The following CELSR1 variants were observed in gnomAD, a reference collection of about 807,000 sequenced individuals.
CELSR1 encodes cadherin EGF LAG seven-pass G-type receptor 1.
In CELSR1, 110 loss-of-function variants were observed where a neutral mutation model predicts 249.1. The ratio of observed to expected loss-of-function variants is 0.44; its 90% CI spans 0.38 to 0.52. The LOEUF is 0.52. Among genes scored for constraint, CELSR1 ranks in the 20% least tolerant of loss-of-function variants. The probability of loss-of-function intolerance (pLI) is 0.00; values close to 1 mark genes in which losing one functional copy is unlikely to be tolerated. For synonymous variants in CELSR1, 2,113 were observed against 1,900.0 expected (o/e 1.11, Z -2.92); for missense variants, 4,109 against 4,296.4 (o/e 0.96, Z 1.22).
rs1387714347 is a variant in CELSR1 at position 46,534,186 on chromosome 22, A to G, written c.2985T>C (p.Asn995=). ...IQVTILDIND[N]APMFEKDELE... The stretch of plus-strand genomic sequence containing the variant: ...GTTCGTCCTTCTCAAACATGGGGGC[A>G]TTGTCATTAATGTCCAAGATGGTCA... Residue 995 remains asparagine (N), a synonymous_variant, in exon 1 of 35, where the codon AAT becomes AAC. Coordinates refer to ENST00000674500, the MANE Select transcript of CELSR1 (RefSeq NM_001378328.1). This position sits in a 1 kb window ranked among gnomAD's most constrained non-coding sequence, Gnocchi z 9.7. 24 of 1,613,742 alleles carry G rather than the reference A, an allele frequency of 1.5e-5. No individual in the cohort carries two copies. Among genetic ancestry groups the G allele is most frequent in the Non-Finnish European group, 2.0e-5 (24 of 1,180,036 alleles).
In CELSR1 at chr22:46,365,570, T is replaced by C; in HGVS notation, c.8404+16A>G. The C allele has an allele frequency of 6.3e-7, 1 of 1,576,452 alleles. No homozygotes were observed. ...AAAACAACCCACGGGGTCCTCCCCC[T>C]CCAGGGAAGCCATACCAGGGGGATC... is the stretch of plus-strand genomic sequence containing the variant. On this transcript the variant is annotated intron_variant, in intron 31 of 34. Transcript: ENST00000674500.
chr22:46,400,823 G>A (rs759948686), intron 9 of CELSR1, among the ~76,000 whole-genome samples: 3 of 151,940 alleles, frequency 2.0e-5, no homozygotes, highest in African/African-American at 4.8e-5. Flanking sequence ...ATGGTGGTGT[G>A]CTCCTGTAAT....
intron 28 of CELSR1, 44 bp downstream of exon 28, chr22:46,367,685 G>C: frequency 6.4e-7 from 1 of 1,565,186 alleles, no homozygotes. Context: ...ATGGTGTCAC[G>C]GCGGCCAGGC....
rs1434988211 is a variant in CELSR1, at chr22:46,433,855, T to C, written c.4523-374A>G. ...ACCCACCACCACACCCGGCTAATTT[T>C]TGTATTTTTAGTAGAGATGGGGTTT... On this transcript the variant is annotated intron_variant, in intron 4 of 34. Transcript: ENST00000674500. This position sits in a 1 kb window ranked among gnomAD's most constrained non-coding sequence, Gnocchi z 5.7. 3.3e-5 allele frequency among the ~76,000 whole-genome samples: 5 copies of C among 152,138 alleles called. No homozygotes were observed. The highest frequency in any genetic ancestry group is 3.3e-4 in the Admixed American group (5 of 15,270).
Position 46,363,666 on chromosome 22 carries a change from A to T in CELSR1, c.9035+330T>A. On this transcript the variant is annotated intron_variant, in intron 34 of 34. Coordinates refer to ENST00000674500, the MANE Select transcript of CELSR1 (RefSeq NM_001378328.1). This position sits in a 1 kb window ranked among gnomAD's most constrained non-coding sequence, Gnocchi z 4.3. ...CGGGACCCTCAGTATCCTCAACTGC[A>T]AGGTGGGTGGCAGTGGTCCCAGGCG... is the stretch of plus-strand genomic sequence containing the variant. 2.6e-6 allele frequency: 1 copy of T among 391,494 alleles called. No homozygotes were observed. The highest frequency in any genetic ancestry group is 4.6e-6 in the Non-Finnish European group (1 of 217,250). 24.3% of individuals were successfully genotyped at this position (391,494 alleles called of 1,614,324 possible).
intron 33 of CELSR1, 26 bp from the exon 34 acceptor site, chr22:46,364,277 C>T: frequency 6.2e-7 from 1 of 1,602,086 alleles, no homozygotes; most frequent in Non-Finnish European, 8.5e-7. Flanking sequence ...ACGGCAAGGT[C>T]AAGTCCGGGT....
intron 18 of CELSR1, among the ~76,000 whole-genome samples, chr22:46,387,788 C>T (rs112787434): frequency 2.3e-3 from 348 of 152,258 alleles, no homozygotes; most frequent in African/African-American, 7.9e-3. Flanking sequence ...GGTTTTTCCA[C>T]GTATACCCCA....
At position 46,374,823 on chromosome 22, in the gene CELSR1, A is replaced by C. The variant is rs6008782; in HGVS notation, c.7585-1766T>G. Among the ~76,000 whole-genome samples the C allele has an allele frequency of 6.0e-4, 92 of 152,262 alleles. No individual in the cohort carries two copies. The highest frequency in any genetic ancestry group is 1.0e-3 in the Non-Finnish European group (71 of 68,000). ...ATTGCGGGGATGCGCCCGGCTGCGG[A>C]TGTGAAGAAACCCCTCCGCAGGAGC... On this transcript the variant is annotated intron_variant, in intron 24 of 34. Coordinates refer to ENST00000674500, the MANE Select transcript of CELSR1 (RefSeq NM_001378328.1). This position sits in a 1 kb window ranked among gnomAD's most constrained non-coding sequence, Gnocchi z 4.3.
Position 46,364,501 on chromosome 22 carries a change from T to C in CELSR1, c.8779+11A>G. ...CCAGCCTTTCACTGCAGCCCCGGCC[T>C]CCCCAGGCACCTTTCCTCTGCTCTG... On this transcript the variant is annotated intron_variant, in intron 33 of 34. Coordinates refer to ENST00000674500, the MANE Select transcript of CELSR1 (RefSeq NM_001378328.1). 6.2e-7 allele frequency: 1 copy of C among 1,603,094 alleles called. No homozygotes were observed. The highest frequency in any genetic ancestry group is 8.5e-7 in the Non-Finnish European group (1 of 1,174,238).
chr22:46,378,848 G>C, intron 22 of CELSR1, 131 bp from the exon 23 acceptor site: 1 of 1,226,656 alleles, frequency 8.2e-7, no homozygotes, highest in South Asian at 1.5e-5. Context: ...GGTGCCGTGA[G>C]TGCTGAAAGC....
chr22:46,407,816 T>C lies in CELSR1; in HGVS notation c.5226+1180A>G, dbSNP rs961207633. 2.0e-5 allele frequency among the ~76,000 whole-genome samples: 3 copies of C among 152,080 alleles called. No homozygotes were observed. Among genetic ancestry groups the C allele is most frequent in the African/African-American group, 7.2e-5 (3 of 41,400 alleles). Reference sequence around the variant, plus strand: ...AAAGGGAGCTTTTTAGGAGGGAGAATTGCCCAGTGAGTTTTCAGAGCTAGA... The same window carrying C: ...AAAGGGAGCTTTTTAGGAGGGAGAACTGCCCAGTGAGTTTTCAGAGCTAGA... On this transcript the variant is annotated intron_variant, in intron 9 of 34. Transcript: ENST00000674500. This position sits in a 1 kb window ranked among gnomAD's most constrained non-coding sequence, Gnocchi z 4.8.
chr22:46,394,272 A>T lies in CELSR1; in HGVS notation c.5844-10T>A. The T allele has an allele frequency of 4.3e-6, 7 of 1,611,104 alleles. No homozygotes were observed. Among genetic ancestry groups the T allele is most frequent in the Non-Finnish European group, 2.5e-6 (3 of 1,178,760 alleles). ...GCACGGAAGGTCGAGTCTGTGGGGA[A>T]AATAAGAGGGCAGCTGGAAGGTTTA... On this transcript the variant is annotated splice_polypyrimidine_tract_variant and intron_variant, in intron 13 of 34. Transcript: ENST00000674500.
chr22:46,377,039 G>A, intron 24 of CELSR1, 22 bp downstream of exon 24: 1 of 1,610,322 alleles, frequency 6.2e-7, no homozygotes, highest in Non-Finnish European at 8.5e-7. Context: ...AGACAGTGGG[G>A]AGGGGAGCAG....
intron 1 of CELSR1, among the ~76,000 whole-genome samples, chr22:46,531,811 T>C (rs2080794863): frequency 6.6e-6 from 1 of 152,094 alleles, no homozygotes; most frequent in South Asian, 2.1e-4. Flanking sequence ...TGGAACCCAG[T>C]CAAAGGTAAC....
rs1167950351 is a variant in CELSR1, at chr22:46,500,890, C to T, written c.3544+32737G>A. 1.3e-5 allele frequency among the ~76,000 whole-genome samples: 2 copies of T among 152,130 alleles called. No homozygotes were observed. Among genetic ancestry groups the T allele is most frequent in the Admixed American group, 1.3e-4 (2 of 15,258 alleles). ...CCTTGTAAGCACGCCCATGATGGGACCCGAAAATCAGCCCATTTACATGCC... is the reference window on the plus strand; with the variant it reads ...CCTTGTAAGCACGCCCATGATGGGATCCGAAAATCAGCCCATTTACATGCC... On this transcript the variant is annotated intron_variant, in intron 1 of 34. Coordinates refer to ENST00000674500, the MANE Select transcript of CELSR1 (RefSeq NM_001378328.1). The surrounding 1 kb of genome is among the most constrained non-coding windows in gnomAD (Gnocchi z 4.9).
Position 46,378,618 on chromosome 22 carries a change from C to A in CELSR1, c.7356G>T (p.Ala2452=). 2 of 1,592,000 alleles carry A rather than the reference C, an allele frequency of 1.3e-6. No homozygotes were observed. Among genetic ancestry groups the A allele is most frequent in the Non-Finnish European group, 1.7e-6 (2 of 1,170,180 alleles). The change falls in exon 23 of 35, where the codon GCG becomes GCT. Residue 2452 remains alanine (A), a synonymous_variant. Transcript: ENST00000674500. ...ACQCSHTASF[A]VLMDISRREN... ...CACGCCTGGAGATATCCATGAGCAC[C>A]GCAAAGCTGGCTGTGTGGCTGCACT...
intron 1 of CELSR1, among the ~76,000 whole-genome samples, chr22:46,503,082 C>G (rs1003660268): frequency 6.6e-6 from 1 of 152,156 alleles, no homozygotes; most frequent in Admixed American, 6.6e-5. Flanking sequence ...CCTTAACAGT[C>G]GGGGGAGGCT....
intron 3 of CELSR1, 81 bp downstream of exon 3, chr22:46,439,108 A>G: frequency 7.5e-7 from 1 of 1,340,280 alleles, no homozygotes; most frequent in East Asian, 2.3e-5. Flanking sequence ...CAACGTCACG[A>G]TCTAGAGGGA....
intron 1 of CELSR1, among the ~76,000 whole-genome samples, chr22:46,492,148 C>A (rs2080373575): frequency 6.6e-6 from 1 of 152,224 alleles, no homozygotes; most frequent in East Asian, 1.9e-4. Flanking sequence ...GCTTCCCAGG[C>A]TCCAGCAGGT....
Sources: allele counts gnomAD v4.1 joint callset (sites outside exome capture counted in the v4.1 genomes callset), GRCh38; gene constraint gnomAD v4.1.1; non-coding constraint Gnocchi (gnomAD v3.1); transcripts MANE v1.5; gene names NCBI Gene and HGNC (gene_info 2026-07-23, HGNC 2026-07-21).